Variants in LRRC4C observed in about 807,000 individuals in gnomAD.
LRRC4C encodes leucine rich repeat containing 4C.
A neutral mutation model predicts 33.6 loss-of-function variants in LRRC4C; 5 were observed. The ratio of observed to expected loss-of-function variants is 0.15; its 90% CI spans 0.08 to 0.31. The LOEUF is 0.31. Ranked by LOEUF, LRRC4C falls within the 10% of genes least tolerant of loss-of-function variation. The pLI, the probability that LRRC4C is intolerant of heterozygous loss-of-function variation, is 1.00. For missense variants in LRRC4C, 560 were observed against 796.7 expected, an observed-to-expected ratio of 0.70 and a Z score of 3.58; for synonymous variants, 329 against 302.0, an observed-to-expected ratio of 1.09 and a Z score of -0.93.
chr11:40,460,569 A>C (rs1432761804), intron 3 of LRRC4C, among the ~76,000 whole-genome samples: 3 of 152,192 alleles, frequency 2.0e-5, no homozygotes, highest in Non-Finnish European at 4.4e-5. Flanking sequence ...TAACAAAAGT[A>C]AACATTTTTC....
intron 1 of LRRC4C, among the ~76,000 whole-genome samples, chr11:41,014,260 T>A (rs1458691226): frequency 6.6e-6 from 1 of 152,130 alleles, no homozygotes; most frequent in Non-Finnish European, 1.5e-5. Context: ...TGAATTTCGG[T>A]GGGTACACAT....
At chr11:40,815,580 C>T (rs1034244369) in intron 2 of LRRC4C, among the ~76,000 whole-genome samples, 2 of 152,150 alleles carry the variant, frequency 1.3e-5, no homozygotes, top group Non-Finnish European at 2.9e-5. Flanking sequence ...TTCTACCACC[C>T]ATACTTTTAA....
chr11:41,223,555 T>C (rs1947398334), intron 1 of LRRC4C, among the ~76,000 whole-genome samples: 1 of 152,196 alleles, frequency 6.6e-6, no homozygotes, highest in Non-Finnish European at 1.5e-5. Context: ...ATCAGGTCAA[T>C]ATGGAGAAGT....
At chr11:40,634,984 C>G (rs1963827149) in intron 3 of LRRC4C, among the ~76,000 whole-genome samples, 3 of 149,136 alleles carry the variant, frequency 2.0e-5, no homozygotes, top group African/African-American at 7.4e-5. Flanking sequence ...TCTGATCTCA[C>G]TTTAGGAAAT....
At chr11:40,733,072 T>G (rs1419510111) in intron 2 of LRRC4C, among the ~76,000 whole-genome samples, 2 of 116,298 alleles carry the variant, frequency 1.7e-5, no homozygotes, top group African/African-American at 3.4e-5. Flanking sequence ...TTTTTTTTTT[T>G]TTTTTTTTTT....
Position 41,425,050 on chromosome 11 carries a change from G to T in LRRC4C, c.-496+34381C>A, listed in dbSNP as rs537768021. ...AGATTGAAGTCTAGATTTCAAAAAG[G>T]TTTCTCATTTTCACTGGCTGTTTCA... is the stretch of plus-strand genomic sequence containing the variant. On this transcript the variant is annotated intron_variant, in intron 1 of 6. Transcript: ENST00000528697. 5.3e-5 allele frequency among the ~76,000 whole-genome samples: 8 copies of T among 152,074 alleles called. No individual in the cohort carries two copies. The East Asian group carries it at 9.7e-4, about 18-fold the overall frequency.
At chr11:40,134,355 A>AC (rs1428626847) in intron 6 of LRRC4C, among the ~76,000 whole-genome samples, 1 of 152,204 alleles carries the variant, frequency 6.6e-6, no homozygotes. Flanking sequence ...ATGAAATAAC[A>AC]CCAGAATATA....
intron 2 of LRRC4C, among the ~76,000 whole-genome samples, chr11:40,783,838 T>C (rs1950309580): frequency 6.6e-6 from 1 of 152,122 alleles, no homozygotes; most frequent in Non-Finnish European, 1.5e-5. Flanking sequence ...ATGTGCCTTG[T>C]AAATCAGCTG....
intron 3 of LRRC4C, among the ~76,000 whole-genome samples, chr11:40,490,065 C>T (rs144261812): frequency 6.6e-6 from 1 of 151,974 alleles, no homozygotes; most frequent in Non-Finnish European, 1.5e-5. Flanking sequence ...CAGTGCCTGC[C>T]ATCTTTGTGT....
Position 41,305,380 on chromosome 11 carries a change from G to A in LRRC4C, c.-496+154051C>T, listed in dbSNP as rs1950467729. On this transcript the variant is annotated intron_variant, in intron 1 of 6. Transcript: ENST00000528697. Reference sequence around the variant, plus strand: ...GGGAAGTGAGTAGCCCCTCTGCCCGGCCACCACCCCGTCTGGGAGGTGTGC... The same window carrying A: ...GGGAAGTGAGTAGCCCCTCTGCCCGACCACCACCCCGTCTGGGAGGTGTGC... 3.8e-5 allele frequency among the ~76,000 whole-genome samples: 2 copies of A among 52,148 alleles called. 1 individual carries two copies. Among genetic ancestry groups the A allele is most frequent in the African/African-American group, 8.6e-5 (2 of 23,338 alleles). The allele number at this position is 52,148 out of a possible 152,430, so 34.2% of individuals were successfully genotyped here.
rs891963967 is a variant in LRRC4C, at chr11:40,259,334, G to A, written c.-175-17736C>T. On this transcript the variant is annotated intron_variant, in intron 4 of 6. Transcript: ENST00000528697. ...TAGCCCTTTGTCAGATGAGTAGGTT[G>A]CAAAAATTTTCTCCCATTTTGTAGG... 3.1e-4 allele frequency among the ~76,000 whole-genome samples: 47 copies of A among 151,894 alleles called. No homozygotes were observed. In the South Asian group the frequency reaches 9.8e-3, roughly 32 times the overall value.
intron 2 of LRRC4C, among the ~76,000 whole-genome samples, chr11:40,731,880 T>C (rs1194813726): frequency 2.0e-5 from 3 of 152,144 alleles, no homozygotes; most frequent in Non-Finnish European, 4.4e-5. Flanking sequence ...TGGAGTCTTC[T>C]GACAACAATA....
chr11:40,593,588 T>C (rs78011266), intron 3 of LRRC4C, among the ~76,000 whole-genome samples: 4,530 of 152,308 alleles, frequency 0.03, 97 homozygotes, highest in Middle Eastern at 0.051. Context: ...CACAAGAGTT[T>C]ACATTTCAGT....
intron 1 of LRRC4C, among the ~76,000 whole-genome samples, chr11:40,985,938 G>C (rs1242617110): frequency 6.6e-6 from 1 of 151,582 alleles, no homozygotes; most frequent in Non-Finnish European, 1.5e-5. Flanking sequence ...CTACTCTCAA[G>C]GTATTTAAAA....
chr11:41,324,942 T>G (rs1260588073), intron 1 of LRRC4C, among the ~76,000 whole-genome samples: 1 of 152,242 alleles, frequency 6.6e-6, no homozygotes, highest in African/African-American at 2.4e-5. Flanking sequence ...TAAAAGCACA[T>G]GCATAGTGTA....
At chr11:41,030,594 G>A (rs1422819787) in intron 1 of LRRC4C, among the ~76,000 whole-genome samples, 1 of 151,788 alleles carries the variant, frequency 6.6e-6, no homozygotes, top group Non-Finnish European at 1.5e-5. Flanking sequence ...CACCAACAAA[G>A]CAGTAAGAAG....
intron 2 of LRRC4C, among the ~76,000 whole-genome samples, chr11:40,751,895 G>A (rs1188736336): frequency 2.6e-5 from 4 of 151,946 alleles, no homozygotes; most frequent in African/African-American, 9.7e-5. Context: ...GATTTTAATG[G>A]TAAAAATCAC....
chr11:41,151,505 G>A (rs1039218822), intron 1 of LRRC4C, among the ~76,000 whole-genome samples: 3 of 152,192 alleles, frequency 2.0e-5, no homozygotes, highest in Non-Finnish European at 2.9e-5. Flanking sequence ...GTGCTGCAGT[G>A]TGGACATGTT....
chr11:40,372,806 G>C (rs1271973724), intron 3 of LRRC4C, among the ~76,000 whole-genome samples: 3 of 152,174 alleles, frequency 2.0e-5, no homozygotes, highest in Non-Finnish European at 2.9e-5. Context: ...AAACATTGCT[G>C]ACCTTCTGGC....
Sources: allele counts gnomAD v4.1 joint callset (sites outside exome capture counted in the v4.1 genomes callset), GRCh38; gene constraint gnomAD v4.1.1; transcripts MANE v1.5; gene names NCBI Gene and HGNC (gene_info 2026-07-23, HGNC 2026-07-21).